STYK1: variants seen among roughly 807,000 people sequenced by gnomAD.
STYK1 encodes the protein STY kinase 1, also known as tyrosine-protein kinase STYK1.
In STYK1, 46 loss-of-function variants were observed where a neutral mutation model predicts 48.1. The observed-to-expected ratio is 0.96, with a 90% CI of 0.75 to 1.22. The LOEUF (loss-of-function observed/expected upper bound fraction) is 1.22, where lower values mean the gene tolerates loss of function less well. STYK1 is among the 50% of genes most tolerant of loss of function. STYK1 has a pLI of 0.00. For missense variants in STYK1, 527 were observed against 521.1 expected (o/e 1.01, Z -0.11); for synonymous variants, 188 against 189.0 (o/e 0.99, Z 0.04).
chr12:10,648,722 C>T (rs371941837), intron 1 of STYK1, among the ~76,000 whole-genome samples: 22 of 151,896 alleles, frequency 1.4e-4, no homozygotes, highest in East Asian at 1.2e-3. Flanking sequence ...CTTGATCTCC[C>T]GGGTGGCTAA....
chr12:10,648,120 A>G (rs1947621090), intron 1 of STYK1, among the ~76,000 whole-genome samples: 1 of 152,186 alleles, frequency 6.6e-6, no homozygotes. Flanking sequence ...AGATACTAAC[A>G]TACAGCTGGG....
At chr12:10,652,144 C>T (rs1215497670) in intron 1 of STYK1, among the ~76,000 whole-genome samples, 4 of 152,138 alleles carry the variant, frequency 2.6e-5, no homozygotes, top group Non-Finnish European at 5.9e-5. Flanking sequence ...TTGGGAACCC[C>T]GCCTTAAACT....
Position 10,619,249 on chromosome 12 carries a change from C to G in STYK1, c.*895G>C, listed in dbSNP as rs1030905218. On this transcript the variant is annotated 3_prime_UTR_variant, in exon 11 of 11. Coordinates refer to ENST00000075503, the MANE Select transcript of STYK1 (RefSeq NM_018423.3). ...TCAACAGATGATTGAAAATTAGAAG[C>G]TGCTATCCTTCCATATCAGATTACA... 1.3e-5 allele frequency: 2 copies of G among 152,016 alleles called. No homozygotes were observed. Among genetic ancestry groups the G allele is most frequent in the Admixed American group, 6.5e-5 (1 of 15,268 alleles). 9.4% of individuals were successfully genotyped at this position (152,016 alleles called of 1,614,324 possible).
Position 10,660,256 on chromosome 12 carries a change from A to G in STYK1, c.-195+13710T>C, listed in dbSNP as rs137909982. ...TAAATTGAACACTTATTAATCTTCC[A>G]GATATTACCTTTTGTGGGAAATCAA... On this transcript the variant is annotated intron_variant, in intron 1 of 10. Transcript: ENST00000075503. Among the ~76,000 whole-genome samples the G allele has an allele frequency of 5.0e-3, 754 of 152,306 alleles. 5 individuals carry two copies. The highest frequency in any genetic ancestry group is 0.016 in the African/African-American group (685 of 41,546).
chr12:10,629,177 C>G (rs1426693744), intron 6 of STYK1, among the ~76,000 whole-genome samples: 1 of 152,184 alleles, frequency 6.6e-6, no homozygotes, highest in Non-Finnish European at 1.5e-5. Context: ...CCACTCTCTG[C>G]TCATTAGCCA....
At chr12:10,627,772 G>T in intron 6 of STYK1, 48 bp from the exon 7 acceptor site, 1 of 1,505,384 alleles carries the variant, frequency 6.6e-7, no homozygotes, top group Non-Finnish European at 9.1e-7. Flanking sequence ...AGCACTCACA[G>T]ATTTGGAAAA....
chr12:10,653,804 C>A (rs765524710), intron 1 of STYK1, among the ~76,000 whole-genome samples: 8 of 152,168 alleles, frequency 5.3e-5, no homozygotes, highest in Non-Finnish European at 1.0e-4. Context: ...GGAACAAAAA[C>A]GTGGCACTGC....
intron 1 of STYK1, among the ~76,000 whole-genome samples, chr12:10,640,289 G>A (rs544420271): frequency 6.6e-6 from 1 of 152,266 alleles, no homozygotes; most frequent in South Asian, 2.1e-4. Flanking sequence ...AGTGCCCCAG[G>A]CTCTACCGTT....
chr12:10,627,132 T>C (rs1403477422), intron 7 of STYK1, among the ~76,000 whole-genome samples: 1 of 152,252 alleles, frequency 6.6e-6, no homozygotes, highest in African/African-American at 2.4e-5. Flanking sequence ...ATGTACTCCC[T>C]GTCACATTCA....
intron 7 of STYK1, among the ~76,000 whole-genome samples, 164 bp downstream of exon 7, chr12:10,627,477 C>T (rs1947371347): frequency 6.6e-6 from 1 of 152,122 alleles, no homozygotes; most frequent in South Asian, 2.1e-4. Flanking sequence ...AAGGAAGGGA[C>T]TAAAAACAAT....
At chr12:10,662,075 C>T (rs946589171) in intron 1 of STYK1, among the ~76,000 whole-genome samples, 1 of 152,140 alleles carries the variant, frequency 6.6e-6, no homozygotes, top group African/African-American at 2.4e-5. Context: ...TTTATGGATT[C>T]ACCTATTCAG....
Position 10,620,204 on chromosome 12 carries a change from C to A in STYK1, c.1209G>T (p.Leu403=). 5.6e-6 allele frequency: 9 copies of A among 1,614,230 alleles called. No homozygotes were observed. The highest frequency in any genetic ancestry group is 1.1e-5 in the South Asian group (1 of 91,090). ...LQVPELVVPE[L]YAAVAGIRVE... ...CTCTGATGCCGGCCACAGCTGCATA[C>A]AGTTCAGGTACCACCAACTCTGGTA... Residue 403 remains leucine, a synonymous_variant, in exon 11 of 11, where the codon CTG becomes CTT. Coordinates refer to ENST00000075503, the MANE Select transcript of STYK1 (RefSeq NM_018423.3).
chr12:10,641,639 A>C (rs2120694794), intron 1 of STYK1, among the ~76,000 whole-genome samples: 1 of 152,358 alleles, frequency 6.6e-6, no homozygotes, highest in Admixed American at 6.5e-5. Context: ...TTTCACCATC[A>C]GAAAGCTAAC....
chr12:10,648,791 C>T (rs535313111), intron 1 of STYK1, among the ~76,000 whole-genome samples: 213 of 152,018 alleles, frequency 1.4e-3, no homozygotes, highest in Non-Finnish European at 2.2e-3. Context: ...ATGTAAAATT[C>T]CTGGCTTTGA....
At chr12:10,671,367 A>C in intron 1 of STYK1, among the ~76,000 whole-genome samples, 1 of 152,216 alleles carries the variant, frequency 6.6e-6, no homozygotes, top group East Asian at 1.9e-4. Flanking sequence ...AACTGACCTT[A>C]AAATAGAAAG....
At chr12:10,636,877 C>T (rs1947491433) in intron 2 of STYK1, among the ~76,000 whole-genome samples, 194 bp downstream of exon 2, 1 of 152,150 alleles carries the variant, frequency 6.6e-6, no homozygotes, top group Non-Finnish European at 1.5e-5. Flanking sequence ...ACAAACTACA[C>T]ACCCACTAAT....
chr12:10,659,563 A>AT (rs1191216132), intron 1 of STYK1, among the ~76,000 whole-genome samples: 3 of 85,032 alleles, frequency 3.5e-5, no homozygotes, highest in Non-Finnish European at 7.1e-5. Flanking sequence ...GAAGAATGTC[A>AT]TTTTCTGATG....
intron 8 of STYK1, among the ~76,000 whole-genome samples, chr12:10,623,525 T>C (rs1019103176): frequency 2.0e-5 from 3 of 152,228 alleles, no homozygotes; most frequent in African/African-American, 7.2e-5. Context: ...TATGTAGTTA[T>C]ATAATCAATT....
At chr12:10,643,491 C>T (rs944607389) in intron 1 of STYK1, among the ~76,000 whole-genome samples, 4 of 152,208 alleles carry the variant, frequency 2.6e-5, no homozygotes, top group Non-Finnish European at 5.9e-5. Context: ...TCCACTTCTA[C>T]AATCTAGTTA....
Sources: allele counts gnomAD v4.1 joint callset (sites outside exome capture counted in the v4.1 genomes callset), GRCh38; gene constraint gnomAD v4.1.1; transcripts MANE v1.5; gene names NCBI Gene and HGNC (gene_info 2026-07-23, HGNC 2026-07-21).